Variants in ACOT7 observed in about 807,000 individuals in gnomAD.
The protein encoded by ACOT7 is acyl-CoA thioesterase 7, also known as cytosolic acyl coenzyme A thioester hydrolase.
Under a neutral mutation model 40.2 loss-of-function variants are expected in ACOT7, and 12 were observed. The observed-to-expected ratio is 0.30, with a 90% CI of 0.19 to 0.48. The LOEUF (loss-of-function observed/expected upper bound fraction) is 0.48. Ranked by LOEUF, ACOT7 falls within the 20% of genes least tolerant of loss-of-function variation. ACOT7 has a pLI of 0.99. For synonymous variants in ACOT7, 228 were observed against 219.5 expected (o/e 1.04, Z -0.34); for missense variants, 395 against 530.8 (o/e 0.74, Z 2.51).
chr1:6,336,066 G>C (rs1030338065), intron 3 of ACOT7, among the ~76,000 whole-genome samples: 1 of 152,098 alleles, frequency 6.6e-6, no homozygotes. Flanking sequence ...TTATCTCTCG[G>C]CCAGCTGCGG....
At chr1:6,281,380 GT>G in intron 7 of ACOT7, 94 bp from the exon 8 acceptor site, 1 of 1,121,060 alleles carries the variant, frequency 8.9e-7, no homozygotes, top group Non-Finnish European at 1.3e-6. Context: ...CAGACACTTG[GT>G]TAGGGGAAGC....
chr1:6,275,338 G>T lies in ACOT7; in HGVS notation c.1014+5764C>A, dbSNP rs1571260496. On this transcript the variant is annotated intron_variant, in intron 8 of 8. Transcript: ENST00000361521. The surrounding 1 kb of genome is among the most constrained non-coding windows in gnomAD (Gnocchi z 5.6). ...GGGTCTCAGGGCCTCTTCTAGGTCG[G>T]GGCACGTCAGAGCGGACAAAGCTCA... is the stretch of plus-strand genomic sequence containing the variant. 6.6e-6 allele frequency among the ~76,000 whole-genome samples: 1 copy of T among 152,340 alleles called. No homozygotes were observed. The highest frequency in any genetic ancestry group is 6.5e-5 in the Admixed American group (1 of 15,310).
At chr1:6,285,523 C>T (rs1020323952) in intron 7 of ACOT7, among the ~76,000 whole-genome samples, 173 of 152,374 alleles carry the variant, frequency 1.1e-3, no homozygotes, top group African/African-American at 4.0e-3. Context: ...TCCTCCATGG[C>T]GCAGCCATGT....
chr1:6,337,303 G>A (rs978636905), intron 3 of ACOT7, among the ~76,000 whole-genome samples: 2 of 152,170 alleles, frequency 1.3e-5, no homozygotes, highest in South Asian at 2.1e-4. Flanking sequence ...TCATGCTCAC[G>A]CCTGCCTTGG....
intron 1 of ACOT7, among the ~76,000 whole-genome samples, chr1:6,392,922 G>GCGCCGGT (rs1039935110): frequency 2.6e-5 from 4 of 152,092 alleles, no homozygotes; most frequent in South Asian, 4.1e-4. Context: ...CGGCCCACGG[G>GCGCCGGT]CGCCGGTCGC....
intron 7 of ACOT7, among the ~76,000 whole-genome samples, chr1:6,292,824 G>T (rs1639708427): frequency 6.6e-6 from 1 of 151,700 alleles, no homozygotes; most frequent in East Asian, 1.9e-4. Context: ...TGGGTTTACA[G>T]GTGCCTGCCA....
Position 6,355,550 on chromosome 1 carries a change from A to G in ACOT7, c.144-5684T>C, listed in dbSNP as rs12075377. On this transcript the variant is annotated intron_variant, in intron 1 of 8. Transcript: ENST00000361521. The surrounding 1 kb of genome is among the most constrained non-coding windows in gnomAD (Gnocchi z 5.0). ...GACCACCTGGGGCGCAGGGACGACCATTCCAGGAAGGAGGTGTGACAAACC... is the reference window on the plus strand; with the variant it reads ...GACCACCTGGGGCGCAGGGACGACCGTTCCAGGAAGGAGGTGTGACAAACC... Among the ~76,000 whole-genome samples the G allele has an allele frequency of 0.1, 15,651 of 152,170 alleles. 1,630 individuals are homozygous for G. The highest frequency in any genetic ancestry group is 0.26 in the African/African-American group (10,941 of 41,452).
chr1:6,393,120 C>G, intron 1 of ACOT7, 137 bp downstream of exon 1: 2 of 1,004,226 alleles, frequency 2.0e-6, no homozygotes, highest in East Asian at 4.9e-5. Context: ...TCCGGGGCGG[C>G]GGCGCGGAAG....
At chr1:6,377,409 T>C (rs1301002310) in intron 1 of ACOT7, among the ~76,000 whole-genome samples, 1 of 152,044 alleles carries the variant, frequency 6.6e-6, no homozygotes, top group East Asian at 1.9e-4. Context: ...AAAAACTTAG[T>C]AGGTACATGG....
Position 6,339,477 on chromosome 1 carries a change from G to T in ACOT7, c.374C>A (p.Ser125Tyr). 6.2e-7 allele frequency: 1 copy of T among 1,613,746 alleles called. No individual in the cohort carries two copies. The highest frequency in any genetic ancestry group is 8.5e-7 in the Non-Finnish European group (1 of 1,180,034). Residue 125 changes from serine to tyrosine, a missense_variant, in exon 3 of 9, where the codon TCT (serine) becomes TAT (tyrosine). Coordinates refer to ENST00000361521, the MANE Select transcript of ACOT7 (RefSeq NM_007274.4). ...SAEITYTSKH[S>Y]VEVQVNVMSE... Reference sequence around the variant, plus strand: ...CATCACGTTGACCTGCACCTCCACAGAGTGCTTGGAGGTGTAGGTGATCTC... The same window carrying T: ...CATCACGTTGACCTGCACCTCCACATAGTGCTTGGAGGTGTAGGTGATCTC...
chr1:6,323,738 ATATATATATATATAT>A (rs1445127848), intron 5 of ACOT7, among the ~76,000 whole-genome samples: 2 of 33,560 alleles, frequency 6.0e-5, no homozygotes, highest in African/African-American at 2.0e-4. Context: ...AAAAAAAAAA[ATATATATATATATAT>A]ATATATATAT....
chr1:6,361,861 TACATAAGC>T (rs1641900939), intron 1 of ACOT7, among the ~76,000 whole-genome samples: 1 of 152,122 alleles, frequency 6.6e-6, no homozygotes, highest in Non-Finnish European at 1.5e-5. Flanking sequence ...GGCCCCTCCC[TACATAAGC>T]ACTGGCCATG....
rs566715490 is a variant in ACOT7 at position 6,290,473 on chromosome 1, C to T, written c.829+4391G>A. ...GAGGGGCACGGGCTGTGACCGGCTG[C>T]CATGGCCCTGCTGTGCCCTCAGGCT... is the stretch of plus-strand genomic sequence containing the variant. On this transcript the variant is annotated intron_variant, in intron 7 of 8. Coordinates refer to ENST00000361521, the MANE Select transcript of ACOT7 (RefSeq NM_007274.4). 7.2e-5 allele frequency among the ~76,000 whole-genome samples: 11 copies of T among 152,330 alleles called. No homozygotes were observed. In the East Asian group the frequency reaches 1.2e-3, roughly 16 times the overall value.
chr1:6,268,975 C>A (rs566756164), intron 8 of ACOT7, among the ~76,000 whole-genome samples: 34 of 152,344 alleles, frequency 2.2e-4, no homozygotes, highest in African/African-American at 7.2e-4. Flanking sequence ...CCTTTGCCCC[C>A]ACATGGGCTG....
chr1:6,365,103 G>A (rs1398392778), intron 1 of ACOT7, among the ~76,000 whole-genome samples: 9 of 152,182 alleles, frequency 5.9e-5, no homozygotes, highest in African/African-American at 1.9e-4. Context: ...CTGAGCAAGG[G>A]AGGCTGGACA....
intron 6 of ACOT7, among the ~76,000 whole-genome samples, chr1:6,315,248 A>G (rs1238299710): frequency 6.6e-6 from 1 of 152,248 alleles, no homozygotes; most frequent in South Asian, 2.1e-4. Context: ...AGAATTACAG[A>G]ATAAAGGCTA....
chr1:6,306,219 G>A lies in ACOT7; in HGVS notation c.713-11239C>T, dbSNP rs1571291930. Reference sequence around the variant, plus strand: ...GGAGACCGTGGGGAGAGGGGGAGGGGGAGGGGGAGAGGGAGAGGACGTTCT... The same window carrying A: ...GGAGACCGTGGGGAGAGGGGGAGGGAGAGGGGGAGAGGGAGAGGACGTTCT... On this transcript the variant is annotated intron_variant, in intron 6 of 8. Transcript: ENST00000361521. This position sits in a 1 kb window ranked among gnomAD's most constrained non-coding sequence, Gnocchi z 4.3. 1 of 973,584 alleles carries A rather than the reference G, an allele frequency of 1.0e-6. No homozygotes were observed. Among genetic ancestry groups the A allele is most frequent in the Non-Finnish European group, 1.2e-6 (1 of 820,746 alleles). 60.3% of individuals were successfully genotyped at this position (973,584 alleles called of 1,614,324 possible).
At chr1:6,295,125 C>T (rs529601305) in intron 6 of ACOT7, 145 bp from the exon 7 acceptor site, 34 of 579,094 alleles carry the variant, frequency 5.9e-5, no homozygotes, top group Non-Finnish European at 9.5e-5. Context: ...GGTGCTCGGC[C>T]GCACGTGCTG....
intron 8 of ACOT7, among the ~76,000 whole-genome samples, chr1:6,269,155 C>T (rs1638946725): frequency 6.6e-6 from 1 of 152,258 alleles, no homozygotes; most frequent in Non-Finnish European, 1.5e-5. Context: ...GGCTGAGTAA[C>T]TTGCCCAAAG....
Sources: allele counts gnomAD v4.1 joint callset (sites outside exome capture counted in the v4.1 genomes callset), GRCh38; gene constraint gnomAD v4.1.1; non-coding constraint Gnocchi (gnomAD v3.1); transcripts MANE v1.5; gene names NCBI Gene and HGNC (gene_info 2026-07-23, HGNC 2026-07-21).